Variants in FNDC3B observed in about 807,000 individuals in gnomAD.
FNDC3B encodes the protein fibronectin type III domain containing 3B, also known as fibronectin type III domain-containing protein 3B.
FNDC3B carries 12 observed loss-of-function variants against 151.5 expected under a neutral mutation model. The observed-to-expected ratio is 0.08, with a 90% CI of 0.05 to 0.13. The LOEUF (loss-of-function observed/expected upper bound fraction) is 0.13. FNDC3B is among the 10% of genes least tolerant of loss of function. The pLI is 1.00. For synonymous variants in FNDC3B, 528 were observed against 549.0 expected (o/e 0.96, Z 0.54); for missense variants, 1,214 against 1,505.3 (o/e 0.81, Z 3.20).
chr3:172,338,771 G>A (rs1280430082), intron 16 of FNDC3B, among the ~76,000 whole-genome samples: 2 of 152,120 alleles, frequency 1.3e-5, no homozygotes, highest in Non-Finnish European at 2.9e-5. Context: ...GTCTCGCTCT[G>A]TCGCCCAGGC....
chr3:172,057,344 A>G (rs1298883701), intron 1 of FNDC3B, among the ~76,000 whole-genome samples: 1 of 152,204 alleles, frequency 6.6e-6, no homozygotes, highest in Non-Finnish European at 1.5e-5. Flanking sequence ...GGTTAAGTAC[A>G]TGAAGTATTT....
rs76983209 is a variant in FNDC3B at position 172,234,668 on chromosome 3, T to C, written c.264+7721T>C. 2.6e-3 allele frequency among the ~76,000 whole-genome samples: 399 copies of C among 152,340 alleles called. 3 individuals carry two copies. Among genetic ancestry groups the C allele is most frequent in the African/African-American group, 9.3e-3 (388 of 41,588 alleles). On this transcript the variant is annotated intron_variant, in intron 4 of 25. Transcript: ENST00000415807. Reference sequence around the variant, plus strand: ...ATACAAAAATGATAATTGATTTTCATAGTAGGATTGACACAGTATCACATC... The same window carrying C: ...ATACAAAAATGATAATTGATTTTCACAGTAGGATTGACACAGTATCACATC...
chr3:172,248,170 A>T (rs898505725), intron 5 of FNDC3B, among the ~76,000 whole-genome samples: 8 of 152,206 alleles, frequency 5.3e-5, no homozygotes, highest in Non-Finnish European at 1.2e-4. Context: ...TCTACCAGTT[A>T]AAGGGAAATT....
At chr3:172,042,933 G>C (rs1716163224) in intron 1 of FNDC3B, among the ~76,000 whole-genome samples, 3 of 151,226 alleles carry the variant, frequency 2.0e-5, no homozygotes, top group African/African-American at 7.3e-5. Context: ...CTTGCTGGTT[G>C]AGATGGATTC....
At chr3:172,366,790 G>A (rs1180133748) in intron 23 of FNDC3B, among the ~76,000 whole-genome samples, 1 of 152,192 alleles carries the variant, frequency 6.6e-6, no homozygotes, top group Non-Finnish European at 1.5e-5. Flanking sequence ...GAGTCTTAAA[G>A]GATGCCAGTC....
intron 1 of FNDC3B, among the ~76,000 whole-genome samples, chr3:172,060,114 G>A (rs1042552433): frequency 1.3e-5 from 2 of 152,146 alleles, no homozygotes; most frequent in Non-Finnish European, 2.9e-5. Flanking sequence ...TGGAGAATTT[G>A]TTTCCCTCCC....
At position 172,285,795 on chromosome 3, in the gene FNDC3B, A is replaced by G. The variant is rs1729977973; in HGVS notation, c.791-131A>G. On this transcript the variant is annotated intron_variant, in intron 6 of 25. Transcript: ENST00000415807. Reference sequence around the variant, plus strand: ...CCTGATTTTCCTGGTAACATTTGTAATATCAAAAATTCATGATAACAGGCA... The same window carrying G: ...CCTGATTTTCCTGGTAACATTTGTAGTATCAAAAATTCATGATAACAGGCA... 21 of 677,326 alleles carry G rather than the reference A, an allele frequency of 3.1e-5. No individual in the cohort carries two copies. The South Asian group carries it at 3.5e-4, about 11-fold the overall frequency. 42.0% of individuals were successfully genotyped at this position (677,326 alleles called of 1,614,324 possible).
intron 3 of FNDC3B, among the ~76,000 whole-genome samples, chr3:172,142,796 C>T (rs1013147118): frequency 6.6e-6 from 1 of 152,168 alleles, no homozygotes; most frequent in African/African-American, 2.4e-5. Context: ...ATACCAGAGA[C>T]CGGGTGGCTT....
chr3:172,124,356 G>A (rs1720703163), intron 2 of FNDC3B, among the ~76,000 whole-genome samples: 1 of 152,248 alleles, frequency 6.6e-6, no homozygotes, highest in Non-Finnish European at 1.5e-5. Flanking sequence ...CTCCCAAAGT[G>A]CTGGGATTTC....
chr3:172,084,625 G>T (rs1718459447), intron 1 of FNDC3B, among the ~76,000 whole-genome samples: 1 of 152,072 alleles, frequency 6.6e-6, no homozygotes, highest in Admixed American at 6.5e-5. Flanking sequence ...ACGTAAGTTG[G>T]GGCTACATAG....
intron 3 of FNDC3B, among the ~76,000 whole-genome samples, chr3:172,166,668 T>C (rs1176374327): frequency 6.6e-6 from 1 of 152,024 alleles, no homozygotes; most frequent in African/African-American, 2.4e-5. Flanking sequence ...GGTGGGAGGA[T>C]TGCTTGAACC....
intron 17 of FNDC3B, 25 bp downstream of exon 17, chr3:172,341,256 T>C (rs371880167): frequency 6.0e-6 from 9 of 1,491,520 alleles, no homozygotes; most frequent in East Asian, 4.5e-5. Context: ...CATATGAAAG[T>C]AAACCTCATT....
chr3:172,041,180 C>G (rs368275544), intron 1 of FNDC3B, among the ~76,000 whole-genome samples: 8 of 152,322 alleles, frequency 5.3e-5, no homozygotes, highest in African/African-American at 1.9e-4. Flanking sequence ...CCCCCTCCCC[C>G]TCTTCCCTCC....
chr3:172,188,193 C>G (rs1164759595), intron 3 of FNDC3B, among the ~76,000 whole-genome samples: 1 of 151,406 alleles, frequency 6.6e-6, no homozygotes, highest in Admixed American at 6.6e-5. Context: ...CAGGGTTTCT[C>G]CATGTTGGTC....
At chr3:172,053,050 G>A (rs750531230) in intron 1 of FNDC3B, among the ~76,000 whole-genome samples, 15 of 152,094 alleles carry the variant, frequency 9.9e-5, no homozygotes, top group South Asian at 4.1e-4. Context: ...TACTTGCCAG[G>A]CATTTTCATG....
intron 3 of FNDC3B, among the ~76,000 whole-genome samples, chr3:172,158,001 C>T (rs1356523763): frequency 6.6e-6 from 1 of 152,122 alleles, no homozygotes; most frequent in Non-Finnish European, 1.5e-5. Flanking sequence ...ACCAGAGGGA[C>T]CTTTTTCACT....
At chr3:172,241,688 A>T (rs1560035222) in intron 4 of FNDC3B, among the ~76,000 whole-genome samples, 2 of 152,056 alleles carry the variant, frequency 1.3e-5, no homozygotes, top group Non-Finnish European at 2.9e-5. Context: ...GTTACCTCCC[A>T]CTCAGTCCCT....
At position 172,400,838 on chromosome 3, in the gene FNDC3B, C is replaced by G. The variant is rs760685462; in HGVS notation, c.*3363C>G. ...GTGGCGCGATCTCAGCTCACTGCAACCTCCAGCTCCCAGGTTCAAGTGATT... is the reference window on the plus strand; with the variant it reads ...GTGGCGCGATCTCAGCTCACTGCAAGCTCCAGCTCCCAGGTTCAAGTGATT... On this transcript the variant is annotated 3_prime_UTR_variant, in exon 26 of 26. Coordinates refer to ENST00000415807, the MANE Select transcript of FNDC3B (RefSeq NM_022763.4). The G allele has an allele frequency of 6.7e-5, 10 of 150,248 alleles. No homozygotes were observed. The highest frequency in any genetic ancestry group is 1.2e-4 in the African/African-American group (5 of 40,808). 9.3% of individuals were successfully genotyped at this position (150,248 alleles called of 1,614,324 possible). A position where few individuals can be genotyped will look rare whatever the true frequency, so the allele number is the denominator to read the frequency against.
chr3:172,251,290 A>G lies in FNDC3B; in HGVS notation c.539A>G (p.Tyr180Cys), dbSNP rs765645775. The change falls in exon 6 of 26, where the codon TAC becomes TGC. Residue 180 changes from tyrosine (Y) to cysteine (C), a missense_variant. Around this residue, in one of 7 missense-constraint regions of FNDC3B, gnomAD observed 166 missense variants for 173.2 expected, o/e 0.96. Coordinates refer to ENST00000415807, the MANE Select transcript of FNDC3B (RefSeq NM_022763.4). ...ATACCATTTTATGGAATGTCAACCT[A>G]CATCACCCGAGAAGACCAGTACAGC... ...EIIPFYGMST[Y>C]ITREDQYSKP... 2.5e-6 allele frequency: 4 copies of G among 1,612,920 alleles called. No individual in the cohort carries two copies. The highest frequency in any genetic ancestry group is 3.4e-6 in the Non-Finnish European group (4 of 1,179,028).
Sources: gnomAD v4.1 joint callset for allele counts (sites outside exome capture counted in the v4.1 genomes callset) on GRCh38, gnomAD v4.1.1 for gene constraint, gnomAD v4.1.1 regional missense constraint, MANE v1.5 for transcripts, NCBI Gene and HGNC (gene_info 2026-07-23, HGNC 2026-07-21) for gene names.